Variants in MAGI1 observed in about 807,000 individuals in gnomAD.
MAGI1 encodes membrane-associated guanylate kinase, WW and PDZ domain-containing protein 1.
Under a neutral mutation model 139.9 loss-of-function variants are expected in MAGI1, and 58 were observed. That is an observed-to-expected ratio of 0.41 (90% CI 0.34 to 0.52). The LOEUF is 0.52. MAGI1 is among the 20% of genes least tolerant of loss of function. MAGI1 has a pLI of 0.12. For synonymous variants in MAGI1, 812 were observed against 737.9 expected, an observed-to-expected ratio of 1.10 and a Z score of -1.63; for missense variants, 1,874 against 1,901.6, an observed-to-expected ratio of 0.99 and a Z score of 0.27.
chr3:65,911,014 C>T (rs1432407659), intron 1 of MAGI1, among the ~76,000 whole-genome samples: 2 of 151,548 alleles, frequency 1.3e-5, no homozygotes, highest in Non-Finnish European at 2.9e-5. Context: ...CACGCCAGCA[C>T]ACCCGGCTAA....
chr3:65,395,983 G>C (rs982027273), intron 13 of MAGI1, among the ~76,000 whole-genome samples: 1 of 152,052 alleles, frequency 6.6e-6, no homozygotes, highest in Non-Finnish European at 1.5e-5. Context: ...GCAACACCAG[G>C]GTAGCTGGAG....
chr3:65,367,044 A>G (rs1388184780), intron 18 of MAGI1, among the ~76,000 whole-genome samples: 1 of 152,196 alleles, frequency 6.6e-6, no homozygotes, highest in African/African-American at 2.4e-5. Context: ...ACTCTCCAGA[A>G]CTTTCATAAA....
At chr3:65,846,976 CAAAAA>C (rs58391331) in intron 1 of MAGI1, among the ~76,000 whole-genome samples, 2 of 80,988 alleles carry the variant, frequency 2.5e-5, no homozygotes, top group African/African-American at 9.9e-5. Context: ...CAATGTCTTA[CAAAAA>C]AAAAAAAAAA....
At chr3:66,004,265 A>G (rs1027497038) in intron 1 of MAGI1, among the ~76,000 whole-genome samples, 8 of 152,286 alleles carry the variant, frequency 5.3e-5, no homozygotes, top group South Asian at 4.1e-4. Context: ...AAATGGGGAC[A>G]GTTTGACTCC....
rs575359847 is a variant in MAGI1, at chr3:65,759,886, G to A, written c.314-137798C>T. 3.3e-5 allele frequency among the ~76,000 whole-genome samples: 5 copies of A among 152,230 alleles called. No homozygotes were observed. In the East Asian group the frequency reaches 5.8e-4, roughly 18 times the overall value. On this transcript the variant is annotated intron_variant, in intron 1 of 22. Coordinates refer to ENST00000402939, the MANE Select transcript of MAGI1 (RefSeq NM_001033057.2). ...TATAGCACTGAAATTAAGATTCGGG[G>A]CTCTAGAATTAGCCTGGATTCAAAT...
At chr3:66,003,139 T>G (rs2066836155) in intron 1 of MAGI1, among the ~76,000 whole-genome samples, 1 of 152,152 alleles carries the variant, frequency 6.6e-6, no homozygotes, top group South Asian at 2.1e-4. Context: ...ACTGTGAAGA[T>G]GAACAGGGCA....
chr3:65,554,999 G>C (rs973844883), intron 2 of MAGI1, among the ~76,000 whole-genome samples: 1 of 152,200 alleles, frequency 6.6e-6, no homozygotes, highest in African/African-American at 2.4e-5. Context: ...ACATGGATTA[G>C]TTAATAGCCA....
chr3:65,694,140 T>A (rs1394269044), intron 1 of MAGI1, among the ~76,000 whole-genome samples: 2 of 152,092 alleles, frequency 1.3e-5, no homozygotes, highest in Admixed American at 1.3e-4. Context: ...GCCAGATAAC[T>A]AACCAAACAA....
chr3:65,502,674 T>C (rs1238235906), intron 2 of MAGI1, among the ~76,000 whole-genome samples: 1 of 152,220 alleles, frequency 6.6e-6, no homozygotes, highest in Non-Finnish European at 1.5e-5. Flanking sequence ...CTTCCCCTTT[T>C]TACATGGGGC....
At position 65,560,434 on chromosome 3, in the gene MAGI1, G is replaced by A. The variant is rs531308094; in HGVS notation, c.430+61538C>T. On this transcript the variant is annotated intron_variant, in intron 2 of 22. Transcript: ENST00000402939. ...ATACATATACCTACTATGGACCCACGAAAATTTAAAATAAAATTTTTAGGG... is the reference window on the plus strand; with the variant it reads ...ATACATATACCTACTATGGACCCACAAAAATTTAAAATAAAATTTTTAGGG... Among the ~76,000 whole-genome samples, 97 of 152,202 alleles carry A rather than the reference G, an allele frequency of 6.4e-4. No homozygotes were observed. The Middle Eastern group carries it at 0.01, about 16-fold the overall frequency.
At chr3:65,625,850 T>A (rs545730811) in intron 1 of MAGI1, among the ~76,000 whole-genome samples, 2 of 152,330 alleles carry the variant, frequency 1.3e-5, no homozygotes, top group South Asian at 2.1e-4. Flanking sequence ...AATAAAAATC[T>A]ACCTGTGCTA....
intron 1 of MAGI1, chr3:65,718,461 G>A (rs1484803811): frequency 6.6e-6 from 1 of 152,156 alleles, no homozygotes; most frequent in African/African-American, 2.4e-5. Context: ...ATCCTACAAT[G>A]TTGTACCTTT....
intron 1 of MAGI1, among the ~76,000 whole-genome samples, chr3:66,007,193 A>G (rs1208504658): frequency 1.3e-5 from 2 of 152,104 alleles, no homozygotes; most frequent in Non-Finnish European, 2.9e-5. Flanking sequence ...CACTCAGGGT[A>G]CAGTGCAGAT....
At chr3:65,476,673 C>T (rs1428194552) in intron 4 of MAGI1, among the ~76,000 whole-genome samples, 1 of 152,152 alleles carries the variant, frequency 6.6e-6, no homozygotes, top group African/African-American at 2.4e-5. Context: ...AACTGTTTTG[C>T]CGCACACTAC....
chr3:65,553,557 GA>G (rs2079950171), intron 2 of MAGI1, among the ~76,000 whole-genome samples: 1 of 152,174 alleles, frequency 6.6e-6, no homozygotes, highest in African/African-American at 2.4e-5. Context: ...TGCCTGACCA[GA>G]ATCCTGACAT....
intron 1 of MAGI1, among the ~76,000 whole-genome samples, chr3:65,998,189 C>T (rs1171622155): frequency 6.6e-6 from 1 of 151,974 alleles, no homozygotes; most frequent in Non-Finnish European, 1.5e-5. Context: ...CCTCCCCCAG[C>T]CTTCATGGGA....
intron 2 of MAGI1, chr3:65,549,408 C>A: frequency 3.0e-6 from 3 of 985,364 alleles, no homozygotes; most frequent in Non-Finnish European, 3.6e-6. Context: ...AAACCGTTAC[C>A]TGCGGGCCCC....
intron 15 of MAGI1, among the ~76,000 whole-genome samples, chr3:65,383,012 A>G (rs1436326751): frequency 6.6e-6 from 1 of 152,208 alleles, no homozygotes; most frequent in African/African-American, 2.4e-5. Flanking sequence ...TTATTCCAAA[A>G]TGGAGGACAC....
intron 1 of MAGI1, among the ~76,000 whole-genome samples, chr3:65,709,453 G>T (rs779642686): frequency 6.6e-6 from 1 of 152,190 alleles, no homozygotes; most frequent in Admixed American, 6.5e-5. Context: ...TACATCTGAG[G>T]TCTCTCTTCA....
Sources: allele counts gnomAD v4.1 joint callset (sites outside exome capture counted in the v4.1 genomes callset), GRCh38; gene constraint gnomAD v4.1.1; transcripts MANE v1.5; gene names NCBI Gene and HGNC (gene_info 2026-07-23, HGNC 2026-07-21).